The following MCTP1 variants were observed in gnomAD, a reference collection of about 807,000 sequenced individuals.
MCTP1 encodes the protein multiple C2 and transmembrane domain-containing protein 1.
A neutral mutation model predicts 120.6 loss-of-function variants in MCTP1; 69 were observed. That is an observed-to-expected ratio of 0.57 (90% confidence interval 0.47 to 0.70). MCTP1 has a LOEUF of 0.70. Ranked by LOEUF, MCTP1 falls within the 30% of genes least tolerant of loss-of-function variation. The probability of loss-of-function intolerance (pLI) is 0.00; values close to 1 mark genes in which losing one functional copy is unlikely to be tolerated. For synonymous variants in MCTP1, 529 were observed against 493.1 expected (o/e 1.07, Z -0.96); for missense variants, 1,203 against 1,248.8 (o/e 0.96, Z 0.55).
At chr5:95,010,751 GT>G (rs1835775975) in intron 2 of MCTP1, among the ~76,000 whole-genome samples, 1 of 152,072 alleles carries the variant, frequency 6.6e-6, no homozygotes, top group Admixed American at 6.6e-5. Context: ...ACTGAAAGTT[GT>G]TTTTGTATTT....
chr5:94,727,448 G>A (rs1762346347), intron 19 of MCTP1, among the ~76,000 whole-genome samples: 1 of 152,142 alleles, frequency 6.6e-6, no homozygotes, highest in African/African-American at 2.4e-5. Context: ...TCCAAACAAA[G>A]ATGGACTGTG....
intron 5 of MCTP1, among the ~76,000 whole-genome samples, chr5:94,933,494 G>A (rs1304478564): frequency 6.6e-6 from 1 of 151,696 alleles, no homozygotes; most frequent in Non-Finnish European, 1.5e-5. Flanking sequence ...CCCCATAAGA[G>A]TTGGATAATA....
rs886976989 is a variant in MCTP1, at chr5:95,161,919, A to T, written c.720+121937T>A. Among the ~76,000 whole-genome samples, 8 of 152,314 alleles carry T rather than the reference A, an allele frequency of 5.3e-5. No individual in the cohort carries two copies. The East Asian group carries it at 1.2e-3, about 22-fold the overall frequency. On this transcript the variant is annotated intron_variant, in intron 1 of 22. Transcript: ENST00000515393. Reference sequence around the variant, plus strand: ...AGAAGCATAGAGGACTTCAGGAATCAGAGTCGGCTTTGTAAGAAAAACACT... The same window carrying T: ...AGAAGCATAGAGGACTTCAGGAATCTGAGTCGGCTTTGTAAGAAAAACACT...
chr5:95,085,177 G>A (rs563132228), intron 1 of MCTP1, among the ~76,000 whole-genome samples: 1 of 152,104 alleles, frequency 6.6e-6, no homozygotes, highest in Admixed American at 6.5e-5. Context: ...GCCTCCATAT[G>A]TCTTTACCTA....
chr5:95,208,996 A>AT (rs1562239199), intron 1 of MCTP1, among the ~76,000 whole-genome samples: 1 of 152,094 alleles, frequency 6.6e-6, no homozygotes, highest in Non-Finnish European at 1.5e-5. Flanking sequence ...ATTGCTCCAC[A>AT]TATCTGTTTC....
chr5:95,115,572 G>C (rs745752999), intron 1 of MCTP1, among the ~76,000 whole-genome samples: 1 of 151,906 alleles, frequency 6.6e-6, no homozygotes, highest in Non-Finnish European at 1.5e-5. Flanking sequence ...TAGGCTATTT[G>C]AAAATAGTCA....
chr5:95,034,292 C>CT (rs1455298569), intron 1 of MCTP1, among the ~76,000 whole-genome samples: 3 of 151,994 alleles, frequency 2.0e-5, no homozygotes, highest in Non-Finnish European at 4.4e-5. Context: ...AAGAACAAAG[C>CT]TGGAAGTATC....
rs73776318 is a variant in MCTP1, at chr5:95,221,939, C to A, written c.720+61917G>T. Among the ~76,000 whole-genome samples the A allele has an allele frequency of 2.6e-3, 400 of 152,290 alleles. 2 individuals are homozygous for A. Among genetic ancestry groups the A allele is most frequent in the African/African-American group, 8.8e-3 (364 of 41,552 alleles). ...TATTATCCTGAGGAATTTATTTACA[C>A]AGAAAATTGTTTTACAAGTGATCAA... On this transcript the variant is annotated intron_variant, in intron 1 of 22. Transcript: ENST00000515393.
chr5:95,242,277 A>C (rs1206744283), intron 1 of MCTP1, among the ~76,000 whole-genome samples: 1 of 152,166 alleles, frequency 6.6e-6, no homozygotes, highest in East Asian at 1.9e-4. Flanking sequence ...AGAAATAAAA[A>C]TACAAAGTGG....
At chr5:94,710,543 T>C (rs1482359501) in intron 21 of MCTP1, 4 of 325,750 alleles carry the variant, frequency 1.2e-5, no homozygotes, top group Non-Finnish European at 2.2e-5. Context: ...CAGAGGGATA[T>C]CTAGACAAAG....
intron 17 of MCTP1, chr5:94,867,159 T>C (rs1457046722): frequency 1.6e-6 from 2 of 1,275,990 alleles, no homozygotes; most frequent in Non-Finnish European, 2.1e-6. Context: ...AGTACCACCA[T>C]ATATTTATTA....
At position 94,858,652 on chromosome 5, in the gene MCTP1, G is replaced by A. The variant is rs144403997; in HGVS notation, c.2436+9681C>T. Among the ~76,000 whole-genome samples, 454 of 151,612 alleles carry A rather than the reference G, an allele frequency of 3.0e-3. 3 individuals are homozygous for A. Among genetic ancestry groups the A allele is most frequent in the African/African-American group, 0.011 (438 of 41,426 alleles). On this transcript the variant is annotated intron_variant, in intron 17 of 22. Transcript: ENST00000515393. The stretch of plus-strand genomic sequence containing the variant: ...TTGAAGCTTCCATTACTAGTCATTG[G>A]GGGAAAAGGAGAGTTACTATGTTAG...
At chr5:94,912,779 A>T in intron 9 of MCTP1, 27 bp downstream of exon 9, 1 of 1,493,088 alleles carries the variant, frequency 6.7e-7, no homozygotes, top group Non-Finnish European at 8.9e-7. Flanking sequence ...CCAAATATTG[A>T]CAGGAACACA....
rs183351230 is a variant in MCTP1 at position 94,922,081 on chromosome 5, G to A, written c.1272+1881C>T. Among the ~76,000 whole-genome samples, 640 of 152,204 alleles carry A rather than the reference G, an allele frequency of 4.2e-3. 1 individual carries two copies. Among genetic ancestry groups the A allele is most frequent in the Non-Finnish European group, 7.5e-3 (510 of 68,004 alleles). ...TTGGTAAAACAGATGACCCCTAAAG[G>A]TTATGCCTATATGACTCAATTCATT... On this transcript the variant is annotated intron_variant, in intron 7 of 22. Transcript: ENST00000515393.
chr5:94,991,979 C>A (rs1831648275), intron 2 of MCTP1, among the ~76,000 whole-genome samples: 1 of 152,184 alleles, frequency 6.6e-6, no homozygotes, highest in African/African-American at 2.4e-5. Context: ...AAACTCTCAA[C>A]AAAATCCTAC....
chr5:95,227,875 G>T (rs1051409725), intron 1 of MCTP1, among the ~76,000 whole-genome samples: 15 of 152,048 alleles, frequency 9.9e-5, no homozygotes, highest in African/African-American at 3.4e-4. Context: ...CCCTCTAAAA[G>T]CTTATTATCT....
chr5:94,898,084 G>A (rs1410062845), intron 10 of MCTP1, among the ~76,000 whole-genome samples: 1 of 152,096 alleles, frequency 6.6e-6, no homozygotes, highest in East Asian at 1.9e-4. Context: ...GGAATATTAT[G>A]CTTTTCTGTA....
intron 19 of MCTP1, among the ~76,000 whole-genome samples, chr5:94,757,011 C>T (rs1770057133): frequency 6.6e-6 from 1 of 152,082 alleles, no homozygotes; most frequent in African/African-American, 2.4e-5. Context: ...ATAGAACTCG[C>T]TTCTAATTTC....
intron 8 of MCTP1, among the ~76,000 whole-genome samples, chr5:94,917,051 T>C (rs755658824): frequency 3.3e-5 from 5 of 152,240 alleles, no homozygotes; most frequent in Admixed American, 6.5e-5. Context: ...ATTTGGAGTA[T>C]TTAAAAAGAG....
Sources: allele counts gnomAD v4.1 joint callset (sites outside exome capture counted in the v4.1 genomes callset), GRCh38; gene constraint gnomAD v4.1.1; transcripts MANE v1.5; gene names NCBI Gene and HGNC (gene_info 2026-07-23, HGNC 2026-07-21).